Variants in MRAP2 observed in about 807,000 individuals in gnomAD.
The protein encoded by MRAP2 is melanocortin 2 receptor accessory protein 2.
MRAP2 carries 20 observed loss-of-function variants against 17.4 expected under a neutral mutation model. The observed-to-expected ratio is 1.15, with a 90% confidence interval of 0.81 to 1.67. The LOEUF is 1.67. MRAP2 is among the 40% of genes most tolerant of loss of function. The probability of loss-of-function intolerance (pLI) is 0.00; values close to 1 mark genes in which losing one functional copy is unlikely to be tolerated. For missense variants in MRAP2, 238 were observed against 240.0 expected (o/e 0.99, Z 0.05); for synonymous variants, 96 against 88.4 (o/e 1.09, Z -0.48).
At chr6:84,081,820 A>AAATG (rs71549598) in intron 3 of MRAP2, among the ~76,000 whole-genome samples, 9,633 of 152,034 alleles carry the variant, frequency 0.063, 380 homozygotes, top group Admixed American at 0.093. Context: ...TCCATCTTAA[A>AAATG]AATGAATGAA....
intron 3 of MRAP2, among the ~76,000 whole-genome samples, chr6:84,077,492 T>C (rs1460526600): frequency 6.6e-6 from 1 of 152,212 alleles, no homozygotes; most frequent in Non-Finnish European, 1.5e-5. Flanking sequence ...AGCTTATGTC[T>C]ATGGTTATAT....
At chr6:84,055,242 G>A in intron 1 of MRAP2, 70 bp from the exon 2 acceptor site, 1 of 1,535,496 alleles carries the variant, frequency 6.5e-7, no homozygotes, top group Admixed American at 2.2e-5. Context: ...GCGATCAAGA[G>A]TAATTAAGGT....
chr6:84,055,876 T>C (rs2099491594), intron 2 of MRAP2, among the ~76,000 whole-genome samples: 1 of 152,194 alleles, frequency 6.6e-6, no homozygotes, highest in Non-Finnish European at 1.5e-5. Flanking sequence ...TGGAGAGCAG[T>C]GTATCCATGT....
chr6:84,037,444 C>T (rs190359981), intron 1 of MRAP2, among the ~76,000 whole-genome samples: 44 of 152,360 alleles, frequency 2.9e-4, no homozygotes, highest in Middle Eastern at 3.4e-3. Flanking sequence ...GGGCCATGGG[C>T]GGAGCTGCCC....
In MRAP2 at chr6:84,084,834, G is replaced by A. The variant is rs112000704; in HGVS notation, c.228-4257G>A. Among the ~76,000 whole-genome samples the A allele has an allele frequency of 6.7e-3, 1,001 of 149,532 alleles. 14 individuals carry two copies. Among genetic ancestry groups the A allele is most frequent in the African/African-American group, 0.023 (944 of 40,744 alleles). On this transcript the variant is annotated intron_variant, in intron 3 of 3. Transcript: ENST00000257776. ...AGTCCCAGAAGACCAGGCATGCCTT[G>A]GTATTTGAGAATCTCATTTCATTTC...
At chr6:84,045,950 A>G (rs1171856768) in intron 1 of MRAP2, among the ~76,000 whole-genome samples, 7 of 152,240 alleles carry the variant, frequency 4.6e-5, no homozygotes, top group Non-Finnish European at 1.5e-5. Context: ...GACTTTCACT[A>G]CATCCCTTCT....
chr6:84,124,520 A>T, the MRAP2 span: 1 of 153,636 alleles, frequency 6.5e-6, no homozygotes, highest in African/African-American at 2.4e-5. Context: ...GTAGGAGCTA[A>T]ACAATGGGTA....
chr6:84,062,452 T>G (rs952735142), intron 2 of MRAP2: 1 of 798,474 alleles, frequency 1.3e-6, no homozygotes, highest in African/African-American at 1.9e-5. Flanking sequence ...GTTCAAGAAT[T>G]TTGTTTTCCT....
chr6:84,036,354 A>G (rs2099485962), intron 1 of MRAP2, among the ~76,000 whole-genome samples: 1 of 152,202 alleles, frequency 6.6e-6, no homozygotes, highest in South Asian at 2.1e-4. Context: ...TTCATCCCAA[A>G]GCTAGTGATG....
chr6:84,141,906 C>A, the MRAP2 span, among the ~76,000 whole-genome samples: 1 of 152,048 alleles, frequency 6.6e-6, no homozygotes, highest in Non-Finnish European at 1.5e-5. Flanking sequence ...AAAAAAAATA[C>A]CCTGGATCTT....
downstream of MRAP2, among the ~76,000 whole-genome samples, chr6:84,091,806 C>A (rs1441277177): frequency 1.3e-5 from 2 of 152,120 alleles, no homozygotes; most frequent in Non-Finnish European, 2.9e-5. Context: ...CCAGAAGACA[C>A]AAGAGTCTTG....
the MRAP2 span, among the ~76,000 whole-genome samples, chr6:84,139,149 A>C: frequency 6.6e-6 from 1 of 152,208 alleles, no homozygotes; most frequent in Non-Finnish European, 1.5e-5. Flanking sequence ...TTTCTGCCTA[A>C]AAGTAGGAAA....
intron 1 of MRAP2, among the ~76,000 whole-genome samples, chr6:84,037,333 C>T (rs1294361098): frequency 6.6e-6 from 1 of 152,248 alleles, no homozygotes; most frequent in Non-Finnish European, 1.5e-5. Flanking sequence ...ACACAGAGTG[C>T]TGATTGGTGC....
At chr6:84,103,503 A>G in the MRAP2 span, among the ~76,000 whole-genome samples, 16 of 152,340 alleles carry the variant, frequency 1.1e-4, no homozygotes, top group Admixed American at 3.9e-4. Context: ...ATGAGATTGC[A>G]AAGGTATGAT....
chr6:84,111,864 T>C, the MRAP2 span, among the ~76,000 whole-genome samples: 1 of 152,206 alleles, frequency 6.6e-6, no homozygotes, highest in Non-Finnish European at 1.5e-5. Flanking sequence ...GAGATAATCA[T>C]GTGGTTTTTG....
chr6:84,113,940 G>A, the MRAP2 span, among the ~76,000 whole-genome samples: 10 of 150,788 alleles, frequency 6.6e-5, no homozygotes, highest in East Asian at 1.9e-4. Flanking sequence ...GGTTTCTGCC[G>A]AGAGATCTGT....
chr6:84,130,443 TCTCTGTAC>T, the MRAP2 span, among the ~76,000 whole-genome samples: 1 of 152,350 alleles, frequency 6.6e-6, no homozygotes, highest in Non-Finnish European at 1.5e-5. Context: ...TACCAGCTCC[TCTCTGTAC>T]CTCTGGTAGA....
At chr6:84,057,080 G>A (rs2099491880) in intron 2 of MRAP2, among the ~76,000 whole-genome samples, 1 of 152,170 alleles carries the variant, frequency 6.6e-6, no homozygotes, top group Non-Finnish European at 1.5e-5. Context: ...GAGCTGATAA[G>A]TAGCAGCCCT....
the MRAP2 span, among the ~76,000 whole-genome samples, chr6:84,106,314 C>G: frequency 6.6e-6 from 1 of 152,184 alleles, no homozygotes; most frequent in Non-Finnish European, 1.5e-5. Flanking sequence ...TTGGCAGAAG[C>G]ATTACATGCA....
Sources: allele counts gnomAD v4.1 joint callset (sites outside exome capture counted in the v4.1 genomes callset), GRCh38; gene constraint gnomAD v4.1.1; transcripts MANE v1.5; gene names NCBI Gene and HGNC (gene_info 2026-07-23, HGNC 2026-07-21).